Variants in LIMCH1 observed in about 807,000 individuals in gnomAD.
LIMCH1 encodes LIM and calponin homology domains 1, also known as LIM and calponin homology domains-containing protein 1.
In LIMCH1, 113 loss-of-function variants were observed where a neutral mutation model predicts 176.5. The ratio of observed to expected loss-of-function variants is 0.64; its 90% CI spans 0.55 to 0.75. The LOEUF (loss-of-function observed/expected upper bound fraction) is 0.75, where lower values mean the gene tolerates loss of function less well. Among genes scored for constraint, LIMCH1 ranks in the 30% least tolerant of loss-of-function variants. The pLI is 0.00. For missense variants in LIMCH1, 1,674 were observed against 1,814.9 expected (o/e 0.92, Z 1.41); for synonymous variants, 619 against 645.9 (o/e 0.96, Z 0.63).
intron 1 of LIMCH1, among the ~76,000 whole-genome samples, chr4:41,539,123 C>A (rs1402726940): frequency 6.6e-6 from 1 of 152,104 alleles, no homozygotes; most frequent in Non-Finnish European, 1.5e-5. Flanking sequence ...CAGAGCCTGG[C>A]GAATCCCTAT....
At chr4:41,680,146 A>G (rs1286865660) in intron 24 of LIMCH1, 48 bp downstream of exon 24, 1 of 1,249,118 alleles carries the variant, frequency 8.0e-7, no homozygotes, top group Non-Finnish European at 1.2e-6. Flanking sequence ...CCAATTCCTC[A>G]AAGTCTAGCA....
chr4:41,646,404 A>G (rs112041903), intron 16 of LIMCH1, 81 bp from the exon 17 acceptor site: 1 of 1,529,668 alleles, frequency 6.5e-7, no homozygotes, highest in Non-Finnish European at 8.9e-7. Flanking sequence ...CTATCTCTTC[A>G]GTGCTACCTT....
intron 9 of LIMCH1, 71 bp from the exon 10 acceptor site, chr4:41,631,077 G>GTT: frequency 3.0e-5 from 29 of 960,234 alleles, no homozygotes; most frequent in South Asian, 8.1e-5. Context: ...TTTTTTTTTT[G>GTT]TTTTTTTTTT....
chr4:41,388,071 C>T (rs1193737669), intron 1 of LIMCH1, among the ~76,000 whole-genome samples: 1 of 152,176 alleles, frequency 6.6e-6, no homozygotes, highest in Non-Finnish European at 1.5e-5. Flanking sequence ...GATCGTGCTA[C>T]AGCACTCCAG....
Position 41,697,299 on chromosome 4 carries a change from A to C in LIMCH1, c.*114A>C, listed in dbSNP as rs1586183314. On this transcript the variant is annotated 3_prime_UTR_variant, in exon 32 of 32. Transcript: ENST00000503057. ...TTCTCAGCATTTACCTAATTTCTGA[A>C]AGGCTCTTCTGAAAGGTGGTATCTG... 4.5e-6 allele frequency: 4 copies of C among 898,776 alleles called. No individual in the cohort carries two copies. The East Asian group carries it at 9.8e-5, about 22-fold the overall frequency. The allele number at this position is 898,776 out of a possible 1,614,324, so 55.7% of individuals were successfully genotyped here.
At position 41,631,262 on chromosome 4, in the gene LIMCH1, C is replaced by T; in HGVS notation, c.1386C>T (p.Ser462=). Residue 462 remains serine, a synonymous_variant, in exon 10 of 32, where the codon TCC becomes TCT. Transcript: ENST00000503057. ...NRKARASKKA[S]SPRQKFVHFG... ...AAGCAAGGGCCTCTAAGAAAGCTTC[C>T]AGCCCCAGGCAAAAGTTTGTGCACT... The T allele has an allele frequency of 3.3e-6, 5 of 1,536,086 alleles. 1 individual carries two copies. In the South Asian group the frequency reaches 5.9e-5, roughly 18 times the overall value.
chr4:41,536,286 T>G (rs1381112524), upstream of LIMCH1, among the ~76,000 whole-genome samples: 1 of 152,174 alleles, frequency 6.6e-6, no homozygotes. Context: ...AAACGTGCCT[T>G]CCTCTGGATT....
chr4:41,536,691 A>G (rs1430269120), upstream of LIMCH1, among the ~76,000 whole-genome samples: 1 of 152,196 alleles, frequency 6.6e-6, no homozygotes, highest in Non-Finnish European at 1.5e-5. Flanking sequence ...ATGGAAGGAT[A>G]TTCTACAAAA....
At chr4:41,397,469 G>A (rs1490423511) in intron 1 of LIMCH1, among the ~76,000 whole-genome samples, 6 of 151,992 alleles carry the variant, frequency 3.9e-5, no homozygotes, top group Non-Finnish European at 5.9e-5. Context: ...GGATTTACAT[G>A]CAGTGTTTTT....
chr4:41,661,316 A>G (rs1399798794), intron 18 of LIMCH1, 104 bp from the exon 19 acceptor site: 45 of 771,378 alleles, frequency 5.8e-5, no homozygotes, highest in Non-Finnish European at 7.7e-5. Context: ...GGGAATTCAT[A>G]TGGCCAAACC....
At chr4:41,629,445 T>C (rs2093181552) in intron 8 of LIMCH1, 47 bp from the exon 9 acceptor site, 3 of 1,529,106 alleles carry the variant, frequency 2.0e-6, no homozygotes, top group Non-Finnish European at 2.6e-6. Flanking sequence ...TCCCCTTCCT[T>C]GAACTTGATT....
chr4:41,433,790 A>G (rs1177248654), intron 1 of LIMCH1, among the ~76,000 whole-genome samples: 1 of 152,018 alleles, frequency 6.6e-6, no homozygotes, highest in Non-Finnish European at 1.5e-5. Flanking sequence ...AGGAAGCCCT[A>G]GAGTCAGTCC....
At chr4:41,556,168 G>A (rs1025957384) in intron 1 of LIMCH1, among the ~76,000 whole-genome samples, 3 of 152,018 alleles carry the variant, frequency 2.0e-5, no homozygotes, top group Non-Finnish European at 4.4e-5. Flanking sequence ...GCCGAGGCGG[G>A]TGGATCACCT....
At chr4:41,518,571 T>C (rs1220358646) in intron 2 of LIMCH1, among the ~76,000 whole-genome samples, 1 of 152,158 alleles carries the variant, frequency 6.6e-6, no homozygotes, top group Non-Finnish European at 1.5e-5. Flanking sequence ...TTGTTTCTTT[T>C]TTGTTGTTAA....
chr4:41,419,658 T>TTCCG (rs1561311599), intron 1 of LIMCH1, among the ~76,000 whole-genome samples: 24 of 80,694 alleles, frequency 3.0e-4, no homozygotes, highest in African/African-American at 1.7e-3. Context: ...TCCTCCTTCC[T>TTCCG]TCCTTCCTTC....
chr4:41,675,492 AGTT>A (rs1254291533), intron 22 of LIMCH1, among the ~76,000 whole-genome samples: 1 of 144,198 alleles, frequency 6.9e-6, no homozygotes, highest in Non-Finnish European at 1.5e-5. Flanking sequence ...ATTCCCAGGC[AGTT>A]GCTTCCCTGT....
chr4:41,454,748 A>T (rs2064327103), intron 1 of LIMCH1, among the ~76,000 whole-genome samples: 1 of 152,152 alleles, frequency 6.6e-6, no homozygotes, highest in South Asian at 2.1e-4. Context: ...ATTTTCTAGA[A>T]AGCACTTGTG....
At position 41,687,870 on chromosome 4, in the gene LIMCH1, GC is replaced by G; in HGVS notation, c.4121del (p.Pro1374LeufsTer18). On this transcript the variant is annotated frameshift_variant, in exon 29 of 32. Transcript: ENST00000503057. LOFTEE classifies it high-confidence loss of function. ...KSPREHFQAG[P>X]FSPCSPTPPG... ...GTCCCCGAGAGCACTTCCAGGCTGG[GC>G]CTTTCTCTCCCTGTTCTCCCACCCC... 6.2e-7 allele frequency: 1 copy of G among 1,613,388 alleles called. No individual in the cohort carries two copies.
chr4:41,511,173 A>T (rs2074865063), intron 2 of LIMCH1, among the ~76,000 whole-genome samples: 1 of 152,164 alleles, frequency 6.6e-6, no homozygotes, highest in African/African-American at 2.4e-5. Context: ...TATTCAACTC[A>T]TCAGCCCTGT....
Sources: gnomAD v4.1 joint callset for allele counts (sites outside exome capture counted in the v4.1 genomes callset) on GRCh38, gnomAD v4.1.1 for gene constraint, MANE v1.5 for transcripts, NCBI Gene and HGNC (gene_info 2026-07-23, HGNC 2026-07-21) for gene names.